Variants in OPCML observed in about 807,000 individuals in gnomAD.
The protein encoded by OPCML is opioid-binding protein/cell adhesion molecule.
OPCML carries 13 observed loss-of-function variants against 37.8 expected under a neutral mutation model. The observed-to-expected ratio is 0.34, with a 90% CI of 0.22 to 0.55. The LOEUF (loss-of-function observed/expected upper bound fraction) is 0.55, where lower values mean the gene tolerates loss of function less well. Among genes scored for constraint, OPCML ranks in the 20% least tolerant of loss-of-function variants. The pLI is 0.91. For synonymous variants in OPCML, 176 were observed against 168.8 expected (o/e 1.04, Z -0.33); for missense variants, 341 against 435.6 (o/e 0.78, Z 1.93).
At chr11:132,964,132 C>T (rs1295136451) in intron 1 of OPCML, among the ~76,000 whole-genome samples, 2 of 152,162 alleles carry the variant, frequency 1.3e-5, no homozygotes, top group Non-Finnish European at 2.9e-5. Context: ...GTCCAGGAAA[C>T]ACCTGAAGGT....
intron 4 of OPCML, among the ~76,000 whole-genome samples, chr11:132,469,603 A>G (rs115150588): frequency 0.026 from 2,496 of 94,850 alleles, 65 homozygotes; most frequent in African/African-American, 0.093. Context: ...GTATGTGTAT[A>G]GGCATGTGTG....
chr11:133,469,486 G>A (rs977449409), intron 1 of OPCML, among the ~76,000 whole-genome samples: 1 of 152,168 alleles, frequency 6.6e-6, no homozygotes, highest in African/African-American at 2.4e-5. Context: ...TCATACAAAA[G>A]CTTCTTAGCT....
intron 1 of OPCML, chr11:133,007,332 G>A (rs926008023): frequency 1.0e-6 from 1 of 985,322 alleles, no homozygotes; most frequent in Admixed American, 6.1e-5. Context: ...CAGAACTCTG[G>A]ATTGATTTAA....
intron 4 of OPCML, among the ~76,000 whole-genome samples, chr11:132,440,449 C>T (rs946078886): frequency 2.0e-5 from 3 of 152,130 alleles, no homozygotes; most frequent in Admixed American, 6.5e-5. Flanking sequence ...GGGGCCCCCA[C>T]CCTGAGCAGT....
chr11:133,447,308 G>C (rs1946492573), intron 1 of OPCML, among the ~76,000 whole-genome samples: 1 of 151,990 alleles, frequency 6.6e-6, no homozygotes, highest in Non-Finnish European at 1.5e-5. Flanking sequence ...GTGCTTCTTA[G>C]CCATTCAAAT....
chr11:132,670,295 C>G (rs1344092705), intron 2 of OPCML, among the ~76,000 whole-genome samples: 1 of 152,146 alleles, frequency 6.6e-6, no homozygotes, highest in Non-Finnish European at 1.5e-5. Flanking sequence ...ATCGTGGGAG[C>G]AAAGACTTCG....
At chr11:132,854,465 A>T (rs1941966061) in intron 2 of OPCML, among the ~76,000 whole-genome samples, 1 of 152,126 alleles carries the variant, frequency 6.6e-6, no homozygotes, top group African/African-American at 2.4e-5. Flanking sequence ...TTGGGAGTGA[A>T]AGTTCCAAGG....
intron 2 of OPCML, among the ~76,000 whole-genome samples, chr11:132,685,824 C>T (rs775359001): frequency 2.0e-5 from 3 of 152,156 alleles, no homozygotes; most frequent in Non-Finnish European, 2.9e-5. Flanking sequence ...AACAGGTCAT[C>T]GAAATGGGAG....
At chr11:132,968,745 A>T (rs1285800214) in intron 1 of OPCML, among the ~76,000 whole-genome samples, 2 of 152,074 alleles carry the variant, frequency 1.3e-5, no homozygotes, top group Non-Finnish European at 2.9e-5. Context: ...AGTTCCAGGA[A>T]TTTTTTTGTT....
chr11:132,427,076 G>A (rs548840282), intron 7 of OPCML, among the ~76,000 whole-genome samples: 21 of 152,148 alleles, frequency 1.4e-4, no homozygotes, highest in Admixed American at 3.9e-4. Flanking sequence ...ATATGACATC[G>A]ATCTCCAGCA....
At chr11:133,079,371 C>G (rs1395746621) in intron 1 of OPCML, among the ~76,000 whole-genome samples, 2 of 152,060 alleles carry the variant, frequency 1.3e-5, no homozygotes, top group East Asian at 3.9e-4. Flanking sequence ...ACAGGGGGAC[C>G]CACATTTTTG....
chr11:133,511,092 T>C (rs978353092), intron 1 of OPCML, among the ~76,000 whole-genome samples: 2 of 152,174 alleles, frequency 1.3e-5, no homozygotes, highest in African/African-American at 4.8e-5. Flanking sequence ...TCAAAGAATT[T>C]GGAGTCCTCC....
At chr11:133,186,866 G>A (rs1938104164) in intron 1 of OPCML, among the ~76,000 whole-genome samples, 2 of 152,130 alleles carry the variant, frequency 1.3e-5, no homozygotes, top group Non-Finnish European at 2.9e-5. Flanking sequence ...AACTGAGGCT[G>A]GAGGGAGTTA....
At chr11:132,781,637 G>C (rs1228977417) in intron 2 of OPCML, among the ~76,000 whole-genome samples, 1 of 143,752 alleles carries the variant, frequency 7.0e-6, no homozygotes, top group Non-Finnish European at 1.5e-5. Flanking sequence ...TTTTTTTTTG[G>C]TCTGGAAAAC....
At chr11:133,080,748 T>G (rs536246636) in intron 1 of OPCML, among the ~76,000 whole-genome samples, 38 of 152,328 alleles carry the variant, frequency 2.5e-4, no homozygotes, top group African/African-American at 8.4e-4. Flanking sequence ...CTTGTCGCTA[T>G]GAAGGAGCTC....
At chr11:133,197,198 C>A (rs1938569169) in intron 1 of OPCML, among the ~76,000 whole-genome samples, 1 of 152,216 alleles carries the variant, frequency 6.6e-6, no homozygotes, top group African/African-American at 2.4e-5. Flanking sequence ...CTCTTCCTTA[C>A]CGGCACCCTG....
intron 1 of OPCML, among the ~76,000 whole-genome samples, chr11:133,336,194 G>C (rs1037610713): frequency 2.6e-5 from 4 of 152,200 alleles, no homozygotes; most frequent in Non-Finnish European, 5.9e-5. Context: ...TGCAGGACAA[G>C]AACTGGTAAT....
At chr11:132,862,092 T>C (rs555941568) in intron 2 of OPCML, among the ~76,000 whole-genome samples, 1 of 152,278 alleles carries the variant, frequency 6.6e-6, no homozygotes, top group South Asian at 2.1e-4. Context: ...ACAAAAGCAA[T>C]GGTAGCAAGG....
intron 1 of OPCML, among the ~76,000 whole-genome samples, chr11:133,335,933 C>T (rs1943736048): frequency 6.6e-6 from 1 of 152,012 alleles, no homozygotes; most frequent in Non-Finnish European, 1.5e-5. Context: ...AGAAAGGAGT[C>T]TCCATCTAGG....
Sources: gnomAD v4.1 joint callset for allele counts (sites outside exome capture counted in the v4.1 genomes callset) on GRCh38, gnomAD v4.1.1 for gene constraint, MANE v1.5 for transcripts, NCBI Gene and HGNC (gene_info 2026-07-23, HGNC 2026-07-21) for gene names.